ERICH1: variants seen among roughly 807,000 people sequenced by gnomAD.
ERICH1 encodes glutamate-rich protein 1.
ERICH1 carries 56 observed loss-of-function variants against 39.6 expected under a neutral mutation model. The observed-to-expected ratio is 1.41, with a 90% CI of 1.14 to 1.77. The LOEUF (loss-of-function observed/expected upper bound fraction) is 1.77, where lower values mean the gene tolerates loss of function less well. ERICH1 is among the 40% of genes most tolerant of loss of function. The pLI, the probability that ERICH1 is intolerant of heterozygous loss-of-function variation, is 0.00. For missense variants in ERICH1, 826 were observed against 575.4 expected (o/e 1.44, Z -4.45); for synonymous variants, 313 against 223.6 (o/e 1.40, Z -3.57).
Position 721,114 on chromosome 8 carries a change from G to A in ERICH1, c.23-5107C>T, listed in dbSNP as rs143208330. 3.6e-3 allele frequency among the ~76,000 whole-genome samples: 555 copies of A among 152,150 alleles called. 2 individuals carry two copies. The highest frequency in any genetic ancestry group is 0.012 in the African/African-American group (488 of 41,516). ...CAAAATGGATATCTCATTATAAAGC[G>A]GGAGATTTTTTCTTCAACAAGAATT... On this transcript the variant is annotated intron_variant, in intron 1 of 5. Transcript: ENST00000262109.
Position 669,007 on chromosome 8 carries a change from C to T in ERICH1, c.1064-215G>A, listed in dbSNP as rs576985637. ...CTGTGGAAACCTGGCCCGTCTACAC[C>T]TCTGTCTGGTGAGACGCCTCCCCTG... On this transcript the variant is annotated intron_variant, in intron 4 of 5. Transcript: ENST00000262109. The T allele has an allele frequency of 1.1e-5, 6 of 564,586 alleles. No individual in the cohort carries two copies. The South Asian group carries it at 1.3e-4, about 13-fold the overall frequency. The allele number at this position is 564,586 out of a possible 1,614,324, so 35.0% of individuals were successfully genotyped here.
At chr8:720,228 T>C (rs1816978277) in intron 1 of ERICH1, among the ~76,000 whole-genome samples, 1 of 152,082 alleles carries the variant, frequency 6.6e-6, no homozygotes, top group Admixed American at 6.5e-5. Flanking sequence ...CGCGCAGACA[T>C]ACCAACGGCA....
chr8:711,068 G>A (rs1415613100), intron 2 of ERICH1, among the ~76,000 whole-genome samples: 2 of 152,170 alleles, frequency 1.3e-5, no homozygotes, highest in African/African-American at 4.8e-5. Context: ...GTATGTGGTG[G>A]TGTCTCATTG....
chr8:652,317 G>A (rs531119281), intron 3 of ERICH1, among the ~76,000 whole-genome samples: 1 of 152,354 alleles, frequency 6.6e-6, no homozygotes, highest in Admixed American at 6.5e-5. Flanking sequence ...CCCCGTCAGA[G>A]TCACCACCTT....
intron 3 of ERICH1, among the ~76,000 whole-genome samples, chr8:641,462 A>G (rs2335876): frequency 0.51 from 78,019 of 151,976 alleles, 20,101 homozygotes; most frequent in Non-Finnish European, 0.56. Context: ...GCAAAGTTAC[A>G]TTGACAGCTT....
chr8:709,610 G>T (rs1056736063), intron 2 of ERICH1, among the ~76,000 whole-genome samples: 1 of 152,196 alleles, frequency 6.6e-6, no homozygotes, highest in South Asian at 2.1e-4. Context: ...TCTTACAGAT[G>T]CCACTGAAAC....
At chr8:619,394 T>A (rs970418964) in intron 3 of ERICH1, among the ~76,000 whole-genome samples, 1 of 152,232 alleles carries the variant, frequency 6.6e-6, no homozygotes, top group African/African-American at 2.4e-5. Flanking sequence ...CAACTTATTT[T>A]TAAAATGCTT....
At chr8:692,881 G>C (rs1045154727) in intron 2 of ERICH1, among the ~76,000 whole-genome samples, 2 of 152,064 alleles carry the variant, frequency 1.3e-5, no homozygotes, top group African/African-American at 4.8e-5. Flanking sequence ...GCAAACTTCT[G>C]GGTTTTTGTA....
chr8:702,220 A>C (rs1812314290), intron 2 of ERICH1, among the ~76,000 whole-genome samples: 2 of 152,318 alleles, frequency 1.3e-5, no homozygotes, highest in East Asian at 1.9e-4. Context: ...GGAGGCGTGA[A>C]AGGCTGTCCA....
chr8:630,117 GCACC>G, intron 3 of ERICH1, among the ~76,000 whole-genome samples: 1 of 48,828 alleles, frequency 2.0e-5, no homozygotes, highest in Admixed American at 2.3e-4. Flanking sequence ...CCTCCCGTGA[GCACC>G]CACACAGACA....
chr8:673,487 C>G lies in ERICH1; in HGVS notation c.865G>C (p.Asp289His). 6.2e-7 allele frequency: 1 copy of G among 1,613,310 alleles called. No homozygotes were observed. The highest frequency in any genetic ancestry group is 1.1e-5 in the South Asian group (1 of 91,026). ...TCCTCCTCCCTGGTGTCTTTACCGT[C>G]TTCCTCCCCGGCCCGTGTCAGGTCT... ...EEDLTRAGEE[D>H]GKDTREEDGA... Residue 289 changes from aspartate to histidine, a missense_variant, in exon 4 of 6, where the codon GAC becomes CAC. By Grantham distance (81) the Asp-to-His change is moderately conservative (BLOSUM62 -1). Transcript: ENST00000262109.
At position 715,988 on chromosome 8, in the gene ERICH1, C is replaced by T; in HGVS notation, c.42G>A (p.Leu14=). 2 of 1,611,188 alleles carry T rather than the reference C, an allele frequency of 1.2e-6. No homozygotes were observed. The highest frequency in any genetic ancestry group is 8.5e-7 in the Non-Finnish European group (1 of 1,179,086). The change falls in exon 2 of 6, where the codon CTG becomes CTA. Residue 14 remains leucine, a synonymous_variant. Coordinates refer to ENST00000262109, the MANE Select transcript of ERICH1 (RefSeq NM_207332.3). ...TTGGAACAGGAGGAAAAAGTCTCTG[C>T]AGCACCTTCTCCACAAACACTGTAC... ...HRKHVFVEKV[L]QRLFPPVPSG...
rs1232685504 is a variant in ERICH1, at chr8:648,233, C to A, written c.976+20365G>T. On this transcript the variant is annotated intron_variant, in intron 3 of 3. Transcript: ENST00000522706. Reference sequence around the variant, plus strand: ...CCTTCACAGTGGGCTTCCCAGCACCCAGAACTATGGGAAATACATTTCTTT... The same window carrying A: ...CCTTCACAGTGGGCTTCCCAGCACCAAGAACTATGGGAAATACATTTCTTT... Among the ~76,000 whole-genome samples the A allele has an allele frequency of 7.5e-5, 5 of 66,502 alleles. 2 individuals are homozygous for A. The East Asian group carries it at 1.5e-3, about 20-fold the overall frequency. 43.6% of individuals were successfully genotyped at this position (66,502 alleles called of 152,430 possible). A position where few individuals can be genotyped will look rare whatever the true frequency, so the allele number is the denominator to read the frequency against.
intron 3 of ERICH1, among the ~76,000 whole-genome samples, chr8:636,190 C>T (rs1013768026): frequency 6.6e-6 from 1 of 152,176 alleles, no homozygotes; most frequent in Non-Finnish European, 1.5e-5. Context: ...TGCCCTGGGC[C>T]GAGCTGAATC....
In ERICH1 at chr8:668,811, G is replaced by C. The variant is rs890681048; in HGVS notation, c.1064-19C>G. The C allele has an allele frequency of 8.9e-6, 14 of 1,570,316 alleles. No homozygotes were observed. In the African/African-American group the frequency reaches 1.8e-4, roughly 20 times the overall value. On this transcript the variant is annotated intron_variant, in intron 4 of 5. Transcript: ENST00000262109. ...GAGACACCTACATAAAGTCAGTTTT[G>C]CTTGGAAATACAGTTTTGTTTTTAT... is the stretch of plus-strand genomic sequence containing the variant.
At chr8:622,457 C>A (rs1797342163) in intron 3 of ERICH1, among the ~76,000 whole-genome samples, 1 of 152,096 alleles carries the variant, frequency 6.6e-6, no homozygotes, top group African/African-American at 2.4e-5. Context: ...TGAGAAGACA[C>A]CATATCTATG....
At chr8:630,043 CCACACAGA>C (rs1212146919) in intron 3 of ERICH1, among the ~76,000 whole-genome samples, 14 of 96,306 alleles carry the variant, frequency 1.5e-4, no homozygotes, top group Middle Eastern at 7.2e-3. Flanking sequence ...CCGTGACCAC[CCACACAGA>C]CAGAGCTGAC....
intron 2 of ERICH1, among the ~76,000 whole-genome samples, chr8:710,225 T>C (rs1428356393): frequency 6.6e-6 from 1 of 152,196 alleles, no homozygotes; most frequent in Non-Finnish European, 1.5e-5. Flanking sequence ...CATGACAGCA[T>C]CGTACAGGGC....
intron 3 of ERICH1, chr8:616,174 G>A: frequency 4.8e-6 from 1 of 207,352 alleles, no homozygotes; most frequent in Non-Finnish European, 9.9e-6. Flanking sequence ...AAACTCAAGG[G>A]TACACCTTAA....
Sources: gnomAD v4.1 joint callset for allele counts (sites outside exome capture counted in the v4.1 genomes callset) on GRCh38, gnomAD v4.1.1 for gene constraint, MANE v1.5 for transcripts, NCBI Gene and HGNC (gene_info 2026-07-23, HGNC 2026-07-21) for gene names.